KLHL3: variants seen among roughly 807,000 people sequenced by gnomAD.
The protein encoded by KLHL3 is kelch-like protein 3.
In KLHL3, 19 loss-of-function variants were observed where a neutral mutation model predicts 70.5. The ratio of observed to expected loss-of-function variants is 0.27; its 90% confidence interval spans 0.19 to 0.40. KLHL3 has a LOEUF of 0.40. Among genes scored for constraint, KLHL3 ranks in the 10% least tolerant of loss-of-function variants. The pLI is 1.00. For synonymous variants in KLHL3, 258 were observed against 290.3 expected (o/e 0.89, Z 1.13); for missense variants, 512 against 771.1 (o/e 0.66, Z 3.98).
chr5:137,702,828 G>A (rs1374949853), intron 3 of KLHL3, among the ~76,000 whole-genome samples: 1 of 152,156 alleles, frequency 6.6e-6, no homozygotes, highest in East Asian at 1.9e-4. Context: ...GAGAACCACG[G>A]AGGGCCCAGA....
rs145719825 is a variant in KLHL3, at chr5:137,661,930, C to A, written c.738G>T (p.Arg246Ser). The A allele has an allele frequency of 8.7e-5, 139 of 1,599,136 alleles. No homozygotes were observed. The highest frequency in any genetic ancestry group is 1.2e-4 in the Admixed American group (7 of 59,934). Reference sequence around the variant, plus strand: ...CAACACTCACTTGGACTAGGTAGTCCCTAGGTAAGAGAGGAAGTCGGACAT... The same window carrying A: ...CAACACTCACTTGGACTAGGTAGTCACTAGGTAAGAGAGGAAGTCGGACAT... ...MEHVRLPLLP[R>S]DYLVQTVEEE... The change falls in exon 7 of 15, where the codon AGG becomes AGT. Residue 246 changes from arginine (R) to serine (S), a missense_variant. Arg to Ser is a moderately radical substitution (Grantham distance 110). Transcript: ENST00000309755.
At chr5:137,711,543 A>C (rs1166878715) in intron 2 of KLHL3, among the ~76,000 whole-genome samples, 1 of 152,178 alleles carries the variant, frequency 6.6e-6, no homozygotes, top group East Asian at 1.9e-4. Context: ...GAAGGGTGAG[A>C]CCTTTGGACA....
At chr5:137,654,103 G>T (rs1035264191) in intron 8 of KLHL3, among the ~76,000 whole-genome samples, 1 of 152,132 alleles carries the variant, frequency 6.6e-6, no homozygotes, top group African/African-American at 2.4e-5. Flanking sequence ...AGAAGAAGAG[G>T]ATTGACTACA....
intron 6 of KLHL3, among the ~76,000 whole-genome samples, chr5:137,671,555 C>T (rs1015864823): frequency 3.3e-5 from 5 of 152,164 alleles, no homozygotes; most frequent in African/African-American, 1.2e-4. Context: ...AGCTTCACAT[C>T]ATGGAGCTAT....
At chr5:137,680,254 A>G (rs960269891) in intron 5 of KLHL3, among the ~76,000 whole-genome samples, 1 of 152,124 alleles carries the variant, frequency 6.6e-6, no homozygotes, top group African/African-American at 2.4e-5. Context: ...CTTTTAATGT[A>G]TTAATGGAGA....
At chr5:137,632,648 A>C (rs1393605508) in intron 12 of KLHL3, among the ~76,000 whole-genome samples, 1 of 152,202 alleles carries the variant, frequency 6.6e-6, no homozygotes, top group Non-Finnish European at 1.5e-5. Context: ...AAAAACAAAA[A>C]TAGACAAATG....
chr5:137,627,474 ACC>A (rs1750498747), intron 13 of KLHL3, among the ~76,000 whole-genome samples: 2 of 53,104 alleles, frequency 3.8e-5, no homozygotes, highest in East Asian at 6.8e-4. Context: ...AGTAAATATC[ACC>A]ACCCCCCCCC....
chr5:137,666,646 A>C (rs7702173), intron 6 of KLHL3, among the ~76,000 whole-genome samples: 1 of 152,224 alleles, frequency 6.6e-6, no homozygotes, highest in East Asian at 1.9e-4. Context: ...TTGTGTAACT[A>C]GTTCCACTTA....
chr5:137,706,182 G>C (rs762962368), intron 3 of KLHL3: 10 of 985,400 alleles, frequency 1.0e-5, no homozygotes, highest in Non-Finnish European at 1.2e-5. Flanking sequence ...ATTTAAGCTT[G>C]AGTAAAAGAC....
At chr5:137,665,618 G>C (rs772771874) in intron 6 of KLHL3, among the ~76,000 whole-genome samples, 6 of 152,120 alleles carry the variant, frequency 3.9e-5, no homozygotes, top group Non-Finnish European at 8.8e-5. Flanking sequence ...CAGTGTAAGA[G>C]AGAAGAAAAG....
chr5:137,707,625 G>A (rs1187361055), intron 3 of KLHL3: 1 of 154,308 alleles, frequency 6.5e-6, no homozygotes, highest in Non-Finnish European at 1.5e-5. Context: ...ATAAACACAT[G>A]TGAACAGTAT....
chr5:137,699,867 T>C (rs1038070899), intron 3 of KLHL3, among the ~76,000 whole-genome samples: 3 of 152,214 alleles, frequency 2.0e-5, no homozygotes, highest in African/African-American at 7.2e-5. Context: ...CAGTACAGCA[T>C]GTGGGCTGCA....
In KLHL3 at chr5:137,677,229, C is replaced by A. The variant is rs528811086; in HGVS notation, c.636+316G>T. 2.0e-5 allele frequency among the ~76,000 whole-genome samples: 3 copies of A among 152,110 alleles called. No individual in the cohort carries two copies. In the East Asian group the frequency reaches 5.8e-4, roughly 29 times the overall value. On this transcript the variant is annotated intron_variant, in intron 6 of 14. Transcript: ENST00000309755. ...TGGGAGGCTGAGGCGGGCGGATTGC[C>A]TGAGGTCAGGAGTTCAAGACCAGTC...
At chr5:137,653,877 T>C (rs1477178698) in intron 8 of KLHL3, among the ~76,000 whole-genome samples, 5 of 152,184 alleles carry the variant, frequency 3.3e-5, no homozygotes, top group African/African-American at 1.2e-4. Flanking sequence ...ATGAATAAAC[T>C]ATGGTCCATC....
intron 12 of KLHL3, among the ~76,000 whole-genome samples, chr5:137,631,069 C>CAAAAAAAAAA (rs70979549): frequency 8.4e-4 from 89 of 105,522 alleles, no homozygotes; most frequent in Non-Finnish European, 1.2e-3. Context: ...TCCAAAAATA[C>CAAAAAAAAAA]AAAAAAAAAA....
intron 8 of KLHL3, among the ~76,000 whole-genome samples, chr5:137,642,171 G>T (rs752812357): frequency 6.6e-6 from 1 of 152,152 alleles, no homozygotes; most frequent in African/African-American, 2.4e-5. Flanking sequence ...CTAAACTGAA[G>T]GAAAATACTG....
chr5:137,735,298 C>T (rs1314271124), intron 1 of KLHL3, among the ~76,000 whole-genome samples: 1 of 152,222 alleles, frequency 6.6e-6, no homozygotes, highest in Non-Finnish European at 1.5e-5. Context: ...AAGGGAAACG[C>T]CTCCTTGAAA....
At chr5:137,722,768 G>A (rs142441813) in intron 1 of KLHL3, among the ~76,000 whole-genome samples, 165 of 152,256 alleles carry the variant, frequency 1.1e-3, no homozygotes, top group African/African-American at 3.3e-3. Context: ...CTGGGTTCAA[G>A]TGATTCTCGT....
chr5:137,663,096 C>T (rs1305533978), intron 6 of KLHL3, among the ~76,000 whole-genome samples: 1 of 120,128 alleles, frequency 8.3e-6, no homozygotes, highest in Non-Finnish European at 1.6e-5. Context: ...CTTACTCTGT[C>T]GCATAGGCTG....
Sources: gnomAD v4.1 joint callset for allele counts (sites outside exome capture counted in the v4.1 genomes callset) on GRCh38, gnomAD v4.1.1 for gene constraint, MANE v1.5 for transcripts, NCBI Gene and HGNC (gene_info 2026-07-23, HGNC 2026-07-21) for gene names.